The following LRRC4C variants were observed in gnomAD, a reference collection of about 807,000 sequenced individuals.
The protein encoded by LRRC4C is leucine rich repeat containing 4C, also known as leucine-rich repeat-containing protein 4C.
A neutral mutation model predicts 33.6 loss-of-function variants in LRRC4C; 5 were observed. The observed-to-expected ratio is 0.15, with a 90% CI of 0.08 to 0.31. The LOEUF (loss-of-function observed/expected upper bound fraction) is 0.31, where lower values mean the gene tolerates loss of function less well. Ranked by LOEUF, LRRC4C falls within the 10% of genes least tolerant of loss-of-function variation. LRRC4C has a pLI of 1.00. For synonymous variants in LRRC4C, 329 were observed against 302.0 expected (o/e 1.09, Z -0.93); for missense variants, 560 against 796.7 (o/e 0.70, Z 3.58).
intron 2 of LRRC4C, among the ~76,000 whole-genome samples, chr11:40,733,601 A>G (rs1201047863): frequency 6.6e-6 from 1 of 152,198 alleles, no homozygotes; most frequent in African/African-American, 2.4e-5. Context: ...TCATAAGGCT[A>G]ATAGTTAAAG....
chr11:41,079,277 G>A (rs1027404052), intron 1 of LRRC4C, among the ~76,000 whole-genome samples: 2 of 152,130 alleles, frequency 1.3e-5, no homozygotes, highest in African/African-American at 4.8e-5. Context: ...GAAGTTGGTA[G>A]GAGACTTGAT....
At chr11:41,257,288 A>C (rs988130567) in intron 1 of LRRC4C, among the ~76,000 whole-genome samples, 1 of 152,082 alleles carries the variant, frequency 6.6e-6, no homozygotes, top group Non-Finnish European at 1.5e-5. Context: ...TGTGAAAGAC[A>C]AGAAATATAC....
rs549797739 is a variant in LRRC4C at position 41,167,300 on chromosome 11, C to T, written c.-495-233577G>A. ...CTAACACAGAAGGTTAATACTTCTG[C>T]TAATTCCTCTGAGCAGGAGGTGGCT... On this transcript the variant is annotated intron_variant, in intron 1 of 6. Transcript: ENST00000528697. Among the ~76,000 whole-genome samples, 17 of 152,308 alleles carry T rather than the reference C, an allele frequency of 1.1e-4. No homozygotes were observed. In the East Asian group the frequency reaches 2.9e-3, roughly 26 times the overall value.
chr11:40,430,056 C>T (rs1468108773), intron 3 of LRRC4C, among the ~76,000 whole-genome samples: 2 of 152,170 alleles, frequency 1.3e-5, no homozygotes, highest in African/African-American at 4.8e-5. Flanking sequence ...CTTGCTACCA[C>T]CTCCTTCTCT....
chr11:40,937,216 A>G (rs1258666966), intron 1 of LRRC4C, among the ~76,000 whole-genome samples: 1 of 152,120 alleles, frequency 6.6e-6, no homozygotes, highest in Non-Finnish European at 1.5e-5. Flanking sequence ...ACACAGGAAC[A>G]GAAAACCAAA....
In LRRC4C at chr11:40,694,054, G is replaced by A. The variant is rs147345583; in HGVS notation, c.-406-45776C>T. Among the ~76,000 whole-genome samples the A allele has an allele frequency of 2.3e-3, 345 of 152,216 alleles. 1 individual carries two copies. Among genetic ancestry groups the A allele is most frequent in the African/African-American group, 7.6e-3 (315 of 41,548 alleles). On this transcript the variant is annotated intron_variant, in intron 2 of 6. Coordinates refer to ENST00000528697, the MANE Select transcript of LRRC4C (RefSeq NM_001258419.2). ...TGCATTTGCTACCTGGGAGATGAAA[G>A]GCAAAGCATACTAGCTCTGTTACCT... is the stretch of plus-strand genomic sequence containing the variant.
At chr11:40,780,077 C>T (rs1950157754) in intron 2 of LRRC4C, among the ~76,000 whole-genome samples, 1 of 152,004 alleles carries the variant, frequency 6.6e-6, no homozygotes, top group South Asian at 2.1e-4. Context: ...GTTTCCTAAG[C>T]CTACAATCTA....
intron 3 of LRRC4C, among the ~76,000 whole-genome samples, chr11:40,599,122 G>T (rs1959695678): frequency 6.6e-6 from 1 of 151,950 alleles, no homozygotes; most frequent in Non-Finnish European, 1.5e-5. Flanking sequence ...TACTTAGACA[G>T]CCCTTCATGT....
intron 3 of LRRC4C, among the ~76,000 whole-genome samples, chr11:40,507,726 G>C (rs566568202): frequency 1.0e-3 from 151 of 148,284 alleles, no homozygotes; most frequent in Non-Finnish European, 1.9e-3. Flanking sequence ...TCATTATAAG[G>C]CACTAGATTT....
chr11:40,627,566 C>T (rs1024576941), intron 3 of LRRC4C, among the ~76,000 whole-genome samples: 12 of 152,120 alleles, frequency 7.9e-5, no homozygotes, highest in Non-Finnish European at 1.5e-4. Context: ...TCATGAGCTA[C>T]ATTTGCCTGG....
chr11:40,513,669 T>C (rs1446746767), intron 3 of LRRC4C, among the ~76,000 whole-genome samples: 1 of 152,164 alleles, frequency 6.6e-6, no homozygotes, highest in East Asian at 1.9e-4. Context: ...AAGGGGTGCA[T>C]AGAGGACAAT....
In LRRC4C at chr11:40,361,641, G is replaced by A. The variant is rs188002797; in HGVS notation, c.-269-41920C>T. On this transcript the variant is annotated intron_variant, in intron 3 of 6. Transcript: ENST00000528697. ...AAAAAACATTCCATGCTCATGGATA[G>A]GAAGAATCAATATTGTTAAAATGGC... Among the ~76,000 whole-genome samples, 71 of 152,282 alleles carry A rather than the reference G, an allele frequency of 4.7e-4. 2 individuals carry two copies. The highest frequency in any genetic ancestry group is 1.6e-3 in the African/African-American group (67 of 41,554).
At chr11:41,021,884 C>A in intron 1 of LRRC4C, among the ~76,000 whole-genome samples, 1 of 151,902 alleles carries the variant, frequency 6.6e-6, no homozygotes, top group East Asian at 1.9e-4. Context: ...AACATAGAAT[C>A]TTTTAAGCAG....
At chr11:41,059,392 A>G (rs890269443) in intron 1 of LRRC4C, among the ~76,000 whole-genome samples, 5 of 152,054 alleles carry the variant, frequency 3.3e-5, no homozygotes, top group Admixed American at 2.6e-4. Context: ...AAAGAGAGAT[A>G]CAAGAAGTTC....
intron 2 of LRRC4C, among the ~76,000 whole-genome samples, chr11:40,866,726 G>A (rs1053660379): frequency 1.3e-5 from 2 of 152,030 alleles, no homozygotes; most frequent in African/African-American, 2.4e-5. Flanking sequence ...ATTGTTTTAA[G>A]GGCCAGAATA....
chr11:40,237,547 A>T (rs908134812), intron 5 of LRRC4C, among the ~76,000 whole-genome samples: 9 of 152,194 alleles, frequency 5.9e-5, no homozygotes. Flanking sequence ...GAATCTGGCA[A>T]AGTGTTTGGT....
At position 41,211,536 on chromosome 11, in the gene LRRC4C, G is replaced by A. The variant is rs1223277600; in HGVS notation, c.-496+247895C>T. ...GATGTTCCCCTTCCTGTATCCAAGT[G>A]TTCTCATTGTTCAATTCCCACCTAT... On this transcript the variant is annotated intron_variant, in intron 1 of 6. Coordinates refer to ENST00000528697, the MANE Select transcript of LRRC4C (RefSeq NM_001258419.2). Among the ~76,000 whole-genome samples the A allele has an allele frequency of 3.3e-5, 5 of 151,622 alleles. No homozygotes were observed. The East Asian group carries it at 9.7e-4, about 30-fold the overall frequency.
chr11:40,470,917 C>T (rs1204718281), intron 3 of LRRC4C, among the ~76,000 whole-genome samples: 3 of 152,106 alleles, frequency 2.0e-5, no homozygotes, highest in Non-Finnish European at 2.9e-5. Flanking sequence ...GATTGGTATA[C>T]CTGAAAGTGA....
At chr11:41,263,127 C>T (rs1298078854) in intron 1 of LRRC4C, among the ~76,000 whole-genome samples, 1 of 152,046 alleles carries the variant, frequency 6.6e-6, no homozygotes, top group African/African-American at 2.4e-5. Context: ...CAACATCAGT[C>T]GTGTTAGAAA....
Sources: allele counts gnomAD v4.1 joint callset (sites outside exome capture counted in the v4.1 genomes callset), GRCh38; gene constraint gnomAD v4.1.1; transcripts MANE v1.5; gene names NCBI Gene and HGNC (gene_info 2026-07-23, HGNC 2026-07-21).